IL27RA: variants seen among roughly 807,000 people sequenced by gnomAD.
The protein encoded by IL27RA is interleukin-27 receptor subunit alpha.
A neutral mutation model predicts 80.8 loss-of-function variants in IL27RA; 61 were observed. The observed-to-expected ratio is 0.76, with a 90% CI of 0.61 to 0.93. IL27RA has a LOEUF of 0.93. Among genes scored for constraint, IL27RA ranks in the 40% least tolerant of loss-of-function variants. The pLI is 0.00. For missense variants in IL27RA, 735 were observed against 808.1 expected (o/e 0.91, Z 1.10); for synonymous variants, 316 against 332.5 (o/e 0.95, Z 0.54).
intron 2 of IL27RA, among the ~76,000 whole-genome samples, chr19:14,037,504 C>G (rs1422218980): frequency 6.6e-6 from 1 of 152,058 alleles, no homozygotes; most frequent in Non-Finnish European, 1.5e-5. Flanking sequence ...ATCCGCCTGC[C>G]TCGGCCTCCC....
chr19:14,038,185 A>C (rs1975933668), intron 2 of IL27RA, among the ~76,000 whole-genome samples: 1 of 148,480 alleles, frequency 6.7e-6, no homozygotes, highest in Non-Finnish European at 1.5e-5. Flanking sequence ...ACAGGGTCTT[A>C]TCCTGTCACC....
At chr19:14,050,533 G>C (rs529496153) in intron 10 of IL27RA, among the ~76,000 whole-genome samples, 381 of 144,872 alleles carry the variant, frequency 2.6e-3, no homozygotes, top group Non-Finnish European at 4.5e-3. Flanking sequence ...AAAAAAAAGA[G>C]AATCAAACAA....
intron 6 of IL27RA, among the ~76,000 whole-genome samples, chr19:14,045,600 CAAAA>C (rs143735821): frequency 9.1e-6 from 1 of 109,464 alleles, no homozygotes. Flanking sequence ...GACTCTGTCT[CAAAA>C]AAAAAAAAAA....
At chr19:14,038,108 G>T (rs1489742428) in intron 2 of IL27RA, among the ~76,000 whole-genome samples, 3 of 151,926 alleles carry the variant, frequency 2.0e-5, no homozygotes, top group Non-Finnish European at 4.4e-5. Flanking sequence ...AGGATTACAG[G>T]CGTGAGCCAC....
Position 14,031,963 on chromosome 19 carries a change from C to G in IL27RA, c.91C>G (p.Arg31Gly), listed in dbSNP as rs373040017. Residue 31 changes from arginine to glycine, a missense_variant, in exon 1 of 14, where the codon CGT becomes GGT. Transcript: ENST00000263379. ...GTTGTGGGTGCTTTTCCAGCGGACGCGTCCCCAGGGTGAGTGCTGGAGGGA... is the reference window on the plus strand; with the variant it reads ...GTTGTGGGTGCTTTTCCAGCGGACGGGTCCCCAGGGTGAGTGCTGGAGGGA... ...PLLWVLFQRT[R>G]PQGSAGPLQC... 5.0e-5 allele frequency: 81 copies of G among 1,609,864 alleles called. No homozygotes were observed. Among genetic ancestry groups the G allele is most frequent in the Non-Finnish European group, 6.6e-5 (78 of 1,178,208 alleles).
At chr19:14,032,559 C>T (rs1433924339) in intron 2 of IL27RA, 56 bp downstream of exon 2, 17 of 1,134,536 alleles carry the variant, frequency 1.5e-5, no homozygotes, top group Non-Finnish European at 2.0e-5. Context: ...CGCTCAGGCC[C>T]CAGGCTGCTT....
chr19:14,048,569 G>T (rs546595682), intron 8 of IL27RA, among the ~76,000 whole-genome samples: 1 of 152,260 alleles, frequency 6.6e-6, no homozygotes, highest in African/African-American at 2.4e-5. Context: ...TTGTTTCCTG[G>T]CCTAAGGGCT....
intron 2 of IL27RA, among the ~76,000 whole-genome samples, chr19:14,036,441 C>T (rs1438990722): frequency 6.6e-6 from 1 of 151,348 alleles, no homozygotes; most frequent in African/African-American, 2.4e-5. Flanking sequence ...TTTCACGTAA[C>T]ATAATGTTCG....
rs767739248 is a variant in IL27RA, at chr19:14,032,469, G to GC, written c.189dup (p.Ser64LeufsTer38). The GC allele has an allele frequency of 1.5e-5, 25 of 1,613,436 alleles. No homozygotes were observed. The Admixed American group carries it at 3.3e-4, about 22-fold the overall frequency. On this transcript the variant is annotated frameshift_variant, in exon 2 of 14. Transcript: ENST00000263379. LOFTEE classifies it high-confidence loss of function. ...GTGGGAGCCTCTTGGGGACCTGGGA[G>GC]CCCCCTCCGAGTTACACCTCCAGAG...
chr19:14,044,326 G>A (rs1326221077), intron 6 of IL27RA, among the ~76,000 whole-genome samples: 1 of 151,776 alleles, frequency 6.6e-6, no homozygotes, highest in Non-Finnish European at 1.5e-5. Context: ...CGCAACCTCC[G>A]CCTCCTGGGT....
At chr19:14,038,890 A>G (rs79550027) in intron 2 of IL27RA, among the ~76,000 whole-genome samples, 3 of 138,934 alleles carry the variant, frequency 2.2e-5, no homozygotes, top group South Asian at 2.2e-4. Flanking sequence ...GTCTCAAAAG[A>G]AAAAAAAAAG....
At chr19:14,032,171 G>A (rs1975825818) in intron 1 of IL27RA, among the ~76,000 whole-genome samples, 199 bp downstream of exon 1, 1 of 152,208 alleles carries the variant, frequency 6.6e-6, no homozygotes, top group African/African-American at 2.4e-5. Flanking sequence ...GGGCGGGGTG[G>A]GGGAGCTCTC....
In IL27RA at chr19:14,031,908, G is replaced by A; in HGVS notation, c.36G>A (p.Trp12Ter). The A allele has an allele frequency of 6.2e-7, 1 of 1,606,416 alleles. No individual in the cohort carries two copies. The highest frequency in any genetic ancestry group is 8.5e-7 in the Non-Finnish European group (1 of 1,177,146). The change falls in exon 1 of 14, where the codon TGG (tryptophan) becomes TGA (stop). Residue 12 changes from tryptophan (W) to a stop codon, truncating the protein, a stop_gained. Coordinates refer to ENST00000263379, the MANE Select transcript of IL27RA (RefSeq NM_004843.4). LOFTEE classifies it high-confidence loss of function. ...RGGRGAPFWL[W>*]PLPKLALLPL... ...GCAGGGGCGCCCCTTTCTGGCTGTG[G>A]CCGCTGCCCAAGCTGGCGCTGCTGC...
chr19:14,043,417 A>G (rs1476574531), intron 6 of IL27RA, among the ~76,000 whole-genome samples: 2 of 151,748 alleles, frequency 1.3e-5, no homozygotes, highest in Non-Finnish European at 2.9e-5. Flanking sequence ...CTAAGAGTTT[A>G]TTTATTCATT....
Position 14,031,917 on chromosome 19 carries a change from C to T in IL27RA, c.45C>T (p.Pro15=), listed in dbSNP as rs754935720. The T allele has an allele frequency of 1.1e-5, 18 of 1,608,176 alleles. No individual in the cohort carries two copies. Among genetic ancestry groups the T allele is most frequent in the Middle Eastern group, 3.3e-4 (2 of 6,046 alleles). ...RGAPFWLWPL[P]KLALLPLLWV... ...CCCCTTTCTGGCTGTGGCCGCTGCC[C>T]AAGCTGGCGCTGCTGCCTCTGTTGT... is the stretch of plus-strand genomic sequence containing the variant. The change falls in exon 1 of 14, where the codon CCC becomes CCT. Residue 15 remains proline, a synonymous_variant. Transcript: ENST00000263379.
chr19:14,047,820 A>ATTT (rs547206577), intron 8 of IL27RA, among the ~76,000 whole-genome samples: 3 of 140,330 alleles, frequency 2.1e-5, no homozygotes, highest in African/African-American at 5.2e-5. Flanking sequence ...CGCCCGGCTA[A>ATTT]TTTTTTTTTT....
At position 14,051,989 on chromosome 19, in the gene IL27RA, G is replaced by A. The variant is rs767570050; in HGVS notation, c.1716+16G>A. The A allele has an allele frequency of 7.6e-6, 12 of 1,576,888 alleles. No homozygotes were observed. The highest frequency in any genetic ancestry group is 6.7e-5 in the African/African-American group (5 of 74,302). The stretch of plus-strand genomic sequence containing the variant: ...CCACATGGAGGTGAGTCAAAGGGCC[G>A]GCTAGTCGGAGCCCTCTGGGGGACT... On this transcript the variant is annotated intron_variant, in intron 13 of 13. Transcript: ENST00000263379.
Position 14,051,850 on chromosome 19 carries a change from C to T in IL27RA, c.1623-30C>T, listed in dbSNP as rs759276812. 1.9e-6 allele frequency: 3 copies of T among 1,546,454 alleles called. No homozygotes were observed. The South Asian group carries it at 3.5e-5, about 18-fold the overall frequency. On this transcript the variant is annotated intron_variant, in intron 12 of 13. Transcript: ENST00000263379. ...GGCTGGGGCATCTGGCCATCTGGAT[C>T]TGCTGCCCTGACTACTCCTGTCTTG...
chr19:14,039,616 G>A lies in IL27RA; in HGVS notation c.327G>A (p.Lys109=), dbSNP rs766993532. ...ACAAACTCCTTGTCTGGGGCACTAA[G>A]GCAGGCCAGCCTCTCTGGCCCCCCG... ...MSDKLLVWGT[K]AGQPLWPPVF... is the part of the protein sequence containing the mutation. Residue 109 remains lysine, a synonymous_variant, in exon 3 of 14, where the codon AAG becomes AAA. Transcript: ENST00000263379. 6.8e-6 allele frequency: 11 copies of A among 1,614,068 alleles called. No homozygotes were observed. The South Asian group carries it at 1.2e-4, about 18-fold the overall frequency.
Sources: allele counts gnomAD v4.1 joint callset (sites outside exome capture counted in the v4.1 genomes callset), GRCh38; gene constraint gnomAD v4.1.1; transcripts MANE v1.5; gene names NCBI Gene and HGNC (gene_info 2026-07-23, HGNC 2026-07-21).